Variants in KCNT2 observed in about 807,000 individuals in gnomAD.
KCNT2 encodes potassium channel subfamily T member 2.
Under a neutral mutation model 153.8 loss-of-function variants are expected in KCNT2, and 67 were observed. That is an observed-to-expected ratio of 0.44 (90% confidence interval 0.36 to 0.53). KCNT2 has a LOEUF of 0.53. Ranked by LOEUF, KCNT2 falls within the 20% of genes least tolerant of loss-of-function variation. The pLI, the probability that KCNT2 is intolerant of heterozygous loss-of-function variation, is 0.00. For synonymous variants in KCNT2, 500 were observed against 458.8 expected (o/e 1.09, Z -1.15); for missense variants, 975 against 1,354.8 (o/e 0.72, Z 4.40).
chr1:196,284,248 A>AAT lies in KCNT2; in HGVS notation c.2697+1407_2697+1408dup, dbSNP rs1553271463. On this transcript the variant is annotated intron_variant, in intron 23 of 27. Coordinates refer to ENST00000294725, the MANE Select transcript of KCNT2 (RefSeq NM_198503.5). ...TCTGTCTTAAAAAAAAAAAAAAAAA[A>AAT]ATATATATATATATATATATATATA... 8.2e-3 allele frequency among the ~76,000 whole-genome samples: 82 copies of AAT among 10,042 alleles called. 6 individuals carry two copies. Among genetic ancestry groups the AAT allele is most frequent in the Admixed American group, 0.011 (4 of 350 alleles). The allele number at this position is 10,042 out of a possible 152,430, so 6.6% of individuals were successfully genotyped here.
intron 1 of KCNT2, among the ~76,000 whole-genome samples, chr1:196,531,706 T>A (rs1266231808): frequency 6.6e-6 from 1 of 152,110 alleles, no homozygotes. Context: ...TTGTGATAAG[T>A]TTGCTGAAAT....
chr1:196,535,045 A>G (rs886306713), intron 1 of KCNT2, among the ~76,000 whole-genome samples: 1 of 152,176 alleles, frequency 6.6e-6, no homozygotes. Context: ...CATGCATATT[A>G]TTTAATGTGA....
chr1:196,350,366 CTGTTGTTT>C (rs1235943915), intron 14 of KCNT2, among the ~76,000 whole-genome samples: 2 of 152,120 alleles, frequency 1.3e-5, no homozygotes, highest in African/African-American at 4.8e-5. Flanking sequence ...TCTCCAGCAC[CTGTTGTTT>C]CCTTAATTTT....
chr1:196,273,887 T>C (rs1362723801), intron 25 of KCNT2, among the ~76,000 whole-genome samples: 1 of 151,668 alleles, frequency 6.6e-6, no homozygotes, highest in Non-Finnish European at 1.5e-5. Flanking sequence ...TATTGGTACA[T>C]TAATATGCTT....
At chr1:196,544,004 G>A (rs1185228161) in intron 1 of KCNT2, among the ~76,000 whole-genome samples, 1 of 152,058 alleles carries the variant, frequency 6.6e-6, no homozygotes, top group Non-Finnish European at 1.5e-5. Flanking sequence ...GCTTCCGTGG[G>A]TGACTAGTTA....
At chr1:196,236,413 C>CA (rs1294045054) in intron 26 of KCNT2, among the ~76,000 whole-genome samples, 5 of 151,264 alleles carry the variant, frequency 3.3e-5, no homozygotes, top group South Asian at 2.1e-4. Flanking sequence ...TTATCAATTA[C>CA]AAAAAATAAT....
At chr1:196,590,468 T>C (rs1449071914) in intron 1 of KCNT2, among the ~76,000 whole-genome samples, 2 of 152,022 alleles carry the variant, frequency 1.3e-5, no homozygotes, top group Non-Finnish European at 2.9e-5. Context: ...GGAGGACGGG[T>C]TTCAGGTGAC....
At chr1:196,279,642 C>G (rs1658908214) in intron 25 of KCNT2, among the ~76,000 whole-genome samples, 1 of 150,354 alleles carries the variant, frequency 6.7e-6, no homozygotes, top group African/African-American at 2.5e-5. Flanking sequence ...ATTGGCCAGT[C>G]TGATCTTGAA....
chr1:196,544,907 T>C (rs1489110410), intron 1 of KCNT2, among the ~76,000 whole-genome samples: 2 of 152,026 alleles, frequency 1.3e-5, no homozygotes, highest in Non-Finnish European at 2.9e-5. Context: ...ATGTGAGCAG[T>C]TGAGAAAAAC....
At chr1:196,280,023 C>G (rs995143093) in intron 25 of KCNT2, among the ~76,000 whole-genome samples, 4 of 151,376 alleles carry the variant, frequency 2.6e-5, no homozygotes, top group Non-Finnish European at 4.4e-5. Context: ...AATGGCTGAC[C>G]AAAATTTCTT....
chr1:196,587,678 A>G (rs1662853117), intron 1 of KCNT2, among the ~76,000 whole-genome samples: 1 of 152,102 alleles, frequency 6.6e-6, no homozygotes. Flanking sequence ...ATAGAAAAAA[A>G]ATTACTTTCC....
intron 1 of KCNT2, among the ~76,000 whole-genome samples, chr1:196,544,423 TTACTC>T (rs1448395188): frequency 6.6e-6 from 1 of 151,964 alleles, no homozygotes. Flanking sequence ...AAACGAATGT[TTACTC>T]TATTCTTGTT....
chr1:196,231,609 C>T (rs748210311), intron 27 of KCNT2, among the ~76,000 whole-genome samples: 2 of 151,890 alleles, frequency 1.3e-5, no homozygotes, highest in Admixed American at 6.6e-5. Context: ...CTTGCCTCTC[C>T]AGGCTTCAGA....
chr1:196,598,155 C>G (rs1423885698), intron 1 of KCNT2, among the ~76,000 whole-genome samples: 1 of 152,054 alleles, frequency 6.6e-6, no homozygotes, highest in African/African-American at 2.4e-5. Context: ...CATTTTAAAA[C>G]GTCTTAGTAA....
At chr1:196,476,799 T>G (rs1678571096) in intron 5 of KCNT2, among the ~76,000 whole-genome samples, 1 of 152,178 alleles carries the variant, frequency 6.6e-6, no homozygotes, top group South Asian at 2.1e-4. Context: ...TTTTTTATCA[T>G]GAAGCAGTCA....
intron 1 of KCNT2, among the ~76,000 whole-genome samples, chr1:196,606,013 A>G (rs1213875500): frequency 6.6e-6 from 1 of 152,238 alleles, no homozygotes; most frequent in African/African-American, 2.4e-5. Flanking sequence ...TTAATTTACC[A>G]AAATTTCAGT....
chr1:196,285,178 C>T (rs2147888942), intron 23 of KCNT2, among the ~76,000 whole-genome samples: 1 of 152,228 alleles, frequency 6.6e-6, no homozygotes, highest in Non-Finnish European at 1.5e-5. Context: ...TTGTTGTAGT[C>T]TTTTCATATT....
intron 26 of KCNT2, among the ~76,000 whole-genome samples, chr1:196,255,390 A>C (rs185207445): frequency 6.6e-6 from 1 of 151,852 alleles, no homozygotes; most frequent in Non-Finnish European, 1.5e-5. Context: ...TTTAAAAATT[A>C]TATTGAAGAA....
chr1:196,444,633 G>A (rs78987443), intron 8 of KCNT2, among the ~76,000 whole-genome samples: 4,403 of 151,408 alleles, frequency 0.029, 88 homozygotes, highest in South Asian at 0.07. Context: ...AAAGCATTTC[G>A]AGTAGGGCAA....
Sources: allele counts gnomAD v4.1 joint callset (sites outside exome capture counted in the v4.1 genomes callset), GRCh38; gene constraint gnomAD v4.1.1; transcripts MANE v1.5; gene names NCBI Gene and HGNC (gene_info 2026-07-23, HGNC 2026-07-21).